Variants in UBTF observed in about 807,000 individuals in gnomAD.
UBTF encodes the protein upstream binding transcription factor, also known as nucleolar transcription factor 1.
In UBTF, 8 loss-of-function variants were observed where a neutral mutation model predicts 112.3. The ratio of observed to expected loss-of-function variants is 0.07; its 90% confidence interval spans 0.04 to 0.13. The LOEUF (loss-of-function observed/expected upper bound fraction) is 0.13. Ranked by LOEUF, UBTF falls within the 10% of genes least tolerant of loss-of-function variation. UBTF has a pLI of 1.00. For missense variants in UBTF, 457 were observed against 982.1 expected (o/e 0.47, Z 7.15); for synonymous variants, 417 against 373.1 (o/e 1.12, Z -1.36).
chr17:44,220,283 G>T (rs2047120269), upstream of UBTF, among the ~76,000 whole-genome samples: 1 of 151,396 alleles, frequency 6.6e-6, no homozygotes, highest in Non-Finnish European at 1.5e-5. Flanking sequence ...GGAGGCTCGG[G>T]GGGCGCCCAC....
At position 44,213,270 on chromosome 17, in the gene UBTF, G is replaced by C; in HGVS notation, c.487C>G (p.Gln163Glu). 1 of 1,613,720 alleles carries C rather than the reference G, an allele frequency of 6.2e-7. No individual in the cohort carries two copies. Among genetic ancestry groups the C allele is most frequent in the Non-Finnish European group, 8.5e-7 (1 of 1,179,760 alleles). The change falls in exon 6 of 21, where the codon CAG becomes GAG. Residue 163 changes from glutamine to glutamate, a missense_variant. Transcript: ENST00000436088. ...LPEKKKMKYI[Q>E]DFQREKQEFE... is the part of the protein sequence containing the mutation. ...TCCTGTTTCTCTCTCTGGAAGTCCT[G>C]AATATATTTCATCTGGGGGGAGGAG...
chr17:44,208,925 C>G (rs1161397255), intron 17 of UBTF: 2 of 357,126 alleles, frequency 5.6e-6, no homozygotes, highest in South Asian at 3.9e-5. Flanking sequence ...TGGCTCAAGC[C>G]TGTAGTCCCA....
chr17:44,209,843 G>T, intron 15 of UBTF, 110 bp from the exon 16 acceptor site: 1 of 1,213,972 alleles, frequency 8.2e-7, no homozygotes. Context: ...GTGCCAGGGA[G>T]GAGGAGAAAC....
chr17:44,207,902 G>T lies in UBTF; in HGVS notation c.1915C>A (p.Pro639Thr). ...TCTTTATATGCTGCACGGTCCTGGG[G>T]AGACAGGCTCTGGGGGAGACAGAAG... ...HLDLWVKSLS[P>T]QDRAAYKEYI... Residue 639 changes from proline (P) to threonine (T), a missense_variant, in exon 18 of 21, where the codon CCC becomes ACC. Physicochemically the swap from Pro to Thr is conservative, Grantham distance 38. This residue lies in a region of UBTF where 77 missense variants were observed against 211.9 expected (regional missense o/e 0.36). Transcript: ENST00000436088. 1 of 1,613,890 alleles carries T rather than the reference G, an allele frequency of 6.2e-7. No homozygotes were observed. The highest frequency in any genetic ancestry group is 1.1e-5 in the South Asian group (1 of 91,068).
chr17:44,210,306 C>T lies in UBTF; in HGVS notation c.1515+12G>A. 5 of 1,614,252 alleles carry T rather than the reference C, an allele frequency of 3.1e-6. No individual in the cohort carries two copies. Among genetic ancestry groups the T allele is most frequent in the Non-Finnish European group, 4.2e-6 (5 of 1,180,042 alleles). On this transcript the variant is annotated intron_variant, in intron 14 of 20. Transcript: ENST00000436088. ...TAGAGGCTGCAGTACTACCCTTTCC[C>T]ACCCCTGTCACCTTGAAGCGGGCCA...
chr17:44,209,306 A>G (rs1296895217), intron 17 of UBTF, 46 bp downstream of exon 17: 24 of 1,543,518 alleles, frequency 1.6e-5, no homozygotes, highest in Non-Finnish European at 2.1e-5. Context: ...GTGCTGGCTT[A>G]GTCTGATGCC....
At chr17:44,213,059 G>T in intron 6 of UBTF, 120 bp from the exon 7 acceptor site, 1 of 1,546,276 alleles carries the variant, frequency 6.5e-7, no homozygotes, top group Non-Finnish European at 8.8e-7. Flanking sequence ...GACGGTGGCT[G>T]CCTGCCTGTC....
chr17:44,220,034 G>A (rs1333443706), upstream of UBTF, among the ~76,000 whole-genome samples: 2 of 143,954 alleles, frequency 1.4e-5, no homozygotes, highest in Non-Finnish European at 3.1e-5. Context: ...TGGTGGTGGT[G>A]GTGCTGGCGG....
intron 7 of UBTF, 94 bp downstream of exon 7, chr17:44,212,725 C>G: frequency 6.4e-7 from 1 of 1,565,024 alleles, no homozygotes; most frequent in Non-Finnish European, 8.7e-7. Context: ...GCCTCCTCTC[C>G]TGCTCCCCTG....
At position 44,207,127 on chromosome 17, in the gene UBTF, G is replaced by T; in HGVS notation, c.*115C>A. 2 of 1,118,326 alleles carry T rather than the reference G, an allele frequency of 1.8e-6. No individual in the cohort carries two copies. Among genetic ancestry groups the T allele is most frequent in the Non-Finnish European group, 2.5e-6 (2 of 796,712 alleles). 69.3% of individuals were successfully genotyped at this position (1,118,326 alleles called of 1,614,324 possible). A position where few individuals can be genotyped will look rare whatever the true frequency, so the allele number is the denominator to read the frequency against. On this transcript the variant is annotated 3_prime_UTR_variant, in exon 21 of 21. Coordinates refer to ENST00000436088, the MANE Select transcript of UBTF (RefSeq NM_014233.4). ...TTTTTTTTTTTTTTAAAGAAAGAAA[G>T]AAAGTGGGGGAGGCCAGGGGGGCAA...
At chr17:44,210,032 G>T in intron 15 of UBTF, 92 bp downstream of exon 15, 1 of 1,337,784 alleles carries the variant, frequency 7.5e-7, no homozygotes, top group Non-Finnish European at 1.1e-6. Context: ...GAGAGTCACA[G>T]ACCAAGGCTG....
chr17:44,213,502 T>C (rs1204176900), intron 5 of UBTF: 1 of 533,448 alleles, frequency 1.9e-6, no homozygotes, highest in African/African-American at 1.9e-5. Context: ...GCCCAGACAC[T>C]GAATCCTACA....
At chr17:44,209,940 C>T (rs1241912206) in intron 15 of UBTF, among the ~76,000 whole-genome samples, 184 bp downstream of exon 15, 3 of 152,140 alleles carry the variant, frequency 2.0e-5, no homozygotes, top group Admixed American at 6.5e-5. Flanking sequence ...TCGCATCCTC[C>T]GAGTCAGCCT....
At position 44,211,257 on chromosome 17, in the gene UBTF, C is replaced by T. The variant is rs754908454; in HGVS notation, c.1089+33G>A. The T allele has an allele frequency of 3.1e-6, 5 of 1,614,204 alleles. No homozygotes were observed. The highest frequency in any genetic ancestry group is 8.5e-7 in the Non-Finnish European group (1 of 1,180,044). On this transcript the variant is annotated intron_variant, in intron 11 of 20. Transcript: ENST00000436088. This position sits in a 1 kb window ranked among gnomAD's most constrained non-coding sequence, Gnocchi z 4.9. ...GCTCTGCCTGCCAAGTCCCAGTCTT[C>T]TCTGCCCACTGCCCCACCGGAGGAA...
rs925833001 is a variant in UBTF, at chr17:44,209,452, C to G, written c.1805G>C (p.Ser602Thr). 6.2e-7 allele frequency: 1 copy of G among 1,614,058 alleles called. No individual in the cohort carries two copies. The highest frequency in any genetic ancestry group is 8.5e-7 in the Non-Finnish European group (1 of 1,180,024). ...PLKERMVEIG[S>T]RWQRISQSQK... ...GCTCTGGGAGATGCGCTGCCAGCGA[C>G]TGCCGATCTCCACCATGCGCTCCTT... Residue 602 changes from serine (S) to threonine (T), a missense_variant, in exon 17 of 21, where the codon AGT (serine) becomes ACT (threonine). By Grantham distance (58) the Ser-to-Thr change is moderately conservative. This residue lies in a region of UBTF where 77 missense variants were observed against 211.9 expected (regional missense o/e 0.36). Coordinates refer to ENST00000436088, the MANE Select transcript of UBTF (RefSeq NM_014233.4).
chr17:44,218,595 A>AAAAAAAAAAAAAAG (rs1491365160), intron 1 of UBTF: 1 of 115,062 alleles, frequency 8.7e-6, no homozygotes, highest in African/African-American at 3.9e-5. Context: ...AACCCCAGCC[A>AAAAAAAAAAAAAAG]AAAAAAAAAA....
chr17:44,214,590 A>G (rs2046751962), intron 5 of UBTF, among the ~76,000 whole-genome samples: 2 of 152,076 alleles, frequency 1.3e-5, no homozygotes, highest in Admixed American at 1.3e-4. Flanking sequence ...TCCTCATCAA[A>G]GGGGTCAACA....
chr17:44,214,746 C>A (rs771317419), intron 5 of UBTF, among the ~76,000 whole-genome samples: 3 of 152,180 alleles, frequency 2.0e-5, no homozygotes, highest in Non-Finnish European at 4.4e-5. Flanking sequence ...GCGGCCAGTG[C>A]CCCCTTTTGA....
chr17:44,213,449 G>T, intron 5 of UBTF, 167 bp from the exon 6 acceptor site: 2 of 655,298 alleles, frequency 3.1e-6, no homozygotes, highest in Non-Finnish European at 5.0e-6. Context: ...CCACAGAGCA[G>T]ACCTGCTGGC....
Sources: gnomAD v4.1 joint callset for allele counts (sites outside exome capture counted in the v4.1 genomes callset) on GRCh38, gnomAD v4.1.1 for gene constraint, gnomAD v4.1.1 regional missense constraint, Gnocchi (gnomAD v3.1) non-coding constraint, MANE v1.5 for transcripts, NCBI Gene and HGNC (gene_info 2026-07-23, HGNC 2026-07-21) for gene names.